The following FBXW4 variants were observed in gnomAD, a reference collection of about 807,000 sequenced individuals.
The protein encoded by FBXW4 is F-box/WD repeat-containing protein 4.
In FBXW4, 40 loss-of-function variants were observed where a neutral mutation model predicts 61.8. The ratio of observed to expected loss-of-function variants is 0.65; its 90% CI spans 0.50 to 0.84. The LOEUF (loss-of-function observed/expected upper bound fraction) is 0.84, where lower values mean the gene tolerates loss of function less well. Among genes scored for constraint, FBXW4 ranks in the 40% least tolerant of loss-of-function variants. The probability of loss-of-function intolerance (pLI) is 0.00; values close to 1 mark genes in which losing one functional copy is unlikely to be tolerated. For missense variants in FBXW4, 672 were observed against 753.8 expected, an observed-to-expected ratio of 0.89 and a Z score of 1.27; for synonymous variants, 311 against 313.8, an observed-to-expected ratio of 0.99 and a Z score of 0.10.
chr10:101,673,637 C>A lies in FBXW4; in HGVS notation c.858G>T (p.Leu286=), dbSNP rs560853473. ...MPWMQLEDDS[L]YISQANFILA... ...GGATGAAATTAGCCTGGGATATGTA[C>A]AGAGAATCATCCTCTAGCTGCATCC... Residue 286 remains leucine (L), a synonymous_variant, in exon 3 of 9, where the codon CTG becomes CTT. Coordinates refer to ENST00000331272, the MANE Select transcript of FBXW4 (RefSeq NM_022039.4). The A allele has an allele frequency of 6.2e-7, 1 of 1,614,080 alleles. No individual in the cohort carries two copies. Among genetic ancestry groups the A allele is most frequent in the South Asian group, 1.1e-5 (1 of 91,082 alleles).
intron 5 of FBXW4, among the ~76,000 whole-genome samples, chr10:101,638,005 C>T (rs568395746): frequency 1.3e-5 from 2 of 152,236 alleles, no homozygotes; most frequent in South Asian, 2.1e-4. Flanking sequence ...ACACTGTTTG[C>T]GGGTATAGAA....
At chr10:101,616,338 C>A (rs1287489412) in intron 6 of FBXW4, among the ~76,000 whole-genome samples, 1 of 152,182 alleles carries the variant, frequency 6.6e-6, no homozygotes. Flanking sequence ...CTTCTGTATA[C>A]AAAGCATTGT....
chr10:101,621,189 C>T (rs1267986873), intron 6 of FBXW4, among the ~76,000 whole-genome samples: 1 of 152,148 alleles, frequency 6.6e-6, no homozygotes, highest in East Asian at 1.9e-4. Context: ...GCAGGTTCAC[C>T]TCCGCCTCCA....
chr10:101,695,044 CCGCCCT>C lies in FBXW4; in HGVS notation c.56_61del (p.Glu19_Gly20del), dbSNP rs1237742436. 7 of 1,010,190 alleles carry C rather than the reference CCGCCCT, an allele frequency of 6.9e-6. No individual in the cohort carries two copies. Among genetic ancestry groups the C allele is most frequent in the East Asian group, 9.3e-5 (1 of 10,798 alleles). The allele number at this position is 1,010,190 out of a possible 1,614,324, so 62.6% of individuals were successfully genotyped here. A position where few individuals can be genotyped will look rare whatever the true frequency, so the allele number is the denominator to read the frequency against. ...CCCTTCCTGCAGCTTCCTCGCCTCT[CCGCCCT>C]CGCCCTCGCCGGGCCCGCCGTTCCC... On this transcript the variant is annotated inframe_deletion, in exon 1 of 9. Transcript: ENST00000331272. This position sits in a 1 kb window ranked among gnomAD's most constrained non-coding sequence, Gnocchi z 4.2.
At chr10:101,666,741 T>G (rs902604581) in intron 5 of FBXW4, among the ~76,000 whole-genome samples, 1 of 152,052 alleles carries the variant, frequency 6.6e-6, no homozygotes, top group Non-Finnish European at 1.5e-5. Context: ...GAAGTCGGGA[T>G]GCAAACCTCA....
At chr10:101,686,011 G>C (rs77656315) in intron 1 of FBXW4, among the ~76,000 whole-genome samples, 1 of 151,096 alleles carries the variant, frequency 6.6e-6, no homozygotes, top group East Asian at 1.9e-4. Context: ...AATCTGAGCA[G>C]ATAAAGTATC....
At position 101,694,306 on chromosome 10, in the gene FBXW4, G is replaced by A. The variant is rs1205703550; in HGVS notation, c.725+75C>T. ...TGCGACACGACCCTGGGCCGACCAG[G>A]CCGCGGCGCCCCGCCCTTTCCCGGG... is the stretch of plus-strand genomic sequence containing the variant. On this transcript the variant is annotated intron_variant, in intron 1 of 8. Coordinates refer to ENST00000331272, the MANE Select transcript of FBXW4 (RefSeq NM_022039.4). This position sits in a 1 kb window ranked among gnomAD's most constrained non-coding sequence, Gnocchi z 6.0. The A allele has an allele frequency of 1.5e-6, 2 of 1,305,902 alleles. No individual in the cohort carries two copies. The highest frequency in any genetic ancestry group is 2.0e-6 in the Non-Finnish European group (2 of 1,022,992). 80.9% of individuals were successfully genotyped at this position (1,305,902 alleles called of 1,614,324 possible).
chr10:101,645,807 C>A (rs2134851796), intron 5 of FBXW4, among the ~76,000 whole-genome samples: 1 of 152,268 alleles, frequency 6.6e-6, no homozygotes, highest in East Asian at 1.9e-4. Flanking sequence ...GAGAGCTCAG[C>A]ACAGGACAGG....
At chr10:101,662,061 C>T (rs79146152) in intron 5 of FBXW4, among the ~76,000 whole-genome samples, 3,980 of 152,282 alleles carry the variant, frequency 0.026, 80 homozygotes, top group Non-Finnish European at 0.04. Context: ...CAAAGGACTG[C>T]AGCACCACTG....
rs1008812050 is a variant in FBXW4 at position 101,652,964 on chromosome 10, A to G, written c.1235+14922T>C. On this transcript the variant is annotated intron_variant, in intron 5 of 8. Transcript: ENST00000331272. ...GGTGCTAATCCCTCACATTATTTCA[A>G]CTGTTGTCCCTATGCTGAGGCCTTC... 3.9e-5 allele frequency among the ~76,000 whole-genome samples: 6 copies of G among 152,172 alleles called. No individual in the cohort carries two copies. In the East Asian group the frequency reaches 1.2e-3, roughly 29 times the overall value.
chr10:101,649,188 C>T (rs775612555), intron 5 of FBXW4, among the ~76,000 whole-genome samples: 3 of 152,180 alleles, frequency 2.0e-5, no homozygotes, highest in Non-Finnish European at 4.4e-5. Flanking sequence ...CAGTTGAACA[C>T]CCCCTATAGA....
At chr10:101,672,376 G>C (rs548926784) in intron 4 of FBXW4, among the ~76,000 whole-genome samples, 32 of 152,262 alleles carry the variant, frequency 2.1e-4, no homozygotes, top group Admixed American at 1.9e-3. Flanking sequence ...TTTATGCCTT[G>C]GTGGATATCT....
chr10:101,693,930 G>A (rs1394240379), intron 1 of FBXW4, among the ~76,000 whole-genome samples: 3 of 152,150 alleles, frequency 2.0e-5, no homozygotes. Flanking sequence ...TTAGAAAAGG[G>A]TAGGGAGGAT....
chr10:101,628,246 A>T (rs1248313521), intron 5 of FBXW4, among the ~76,000 whole-genome samples: 3 of 152,232 alleles, frequency 2.0e-5, no homozygotes, highest in African/African-American at 7.2e-5. Context: ...AAGAAAATTC[A>T]AACGGCTTTT....
chr10:101,668,363 A>G (rs1407030014), intron 4 of FBXW4, among the ~76,000 whole-genome samples: 1 of 152,162 alleles, frequency 6.6e-6, no homozygotes, highest in African/African-American at 2.4e-5. Context: ...TCTCACCAAG[A>G]TTTTACTTTG....
intron 5 of FBXW4, among the ~76,000 whole-genome samples, chr10:101,661,432 A>C (rs1376688791): frequency 6.6e-6 from 1 of 152,278 alleles, no homozygotes; most frequent in African/African-American, 2.4e-5. Context: ...AGGCTTGCAT[A>C]TGCATGGGCA....
chr10:101,641,111 A>G (rs1386952729), intron 5 of FBXW4, among the ~76,000 whole-genome samples: 3 of 152,120 alleles, frequency 2.0e-5, no homozygotes, highest in African/African-American at 7.2e-5. Context: ...GATTACAGGC[A>G]TGAGCCACCG....
intron 5 of FBXW4, among the ~76,000 whole-genome samples, chr10:101,630,904 A>G (rs886212415): frequency 1.1e-4 from 16 of 152,226 alleles, no homozygotes; most frequent in African/African-American, 3.9e-4. Flanking sequence ...TGCCCTCTAG[A>G]GCGCAGCTCC....
intron 5 of FBXW4, among the ~76,000 whole-genome samples, chr10:101,648,410 T>G (rs1280512605): frequency 6.6e-6 from 1 of 152,216 alleles, no homozygotes; most frequent in Non-Finnish European, 1.5e-5. Flanking sequence ...CCAGATGATT[T>G]GATTGACTAG....
Sources: allele counts gnomAD v4.1 joint callset (sites outside exome capture counted in the v4.1 genomes callset), GRCh38; gene constraint gnomAD v4.1.1; non-coding constraint Gnocchi (gnomAD v3.1); transcripts MANE v1.5; gene names NCBI Gene and HGNC (gene_info 2026-07-23, HGNC 2026-07-21).